TEX11: variants seen among roughly 807,000 people sequenced by gnomAD.
The protein encoded by TEX11 is testis-expressed protein 11.
A neutral mutation model predicts 84.4 loss-of-function variants in TEX11; 7 were observed. The ratio of observed to expected loss-of-function variants is 0.08; its 90% CI spans 0.05 to 0.16. The LOEUF is 0.16. Ranked by LOEUF, TEX11 falls within the 10% of genes least tolerant of loss-of-function variation. The pLI is 1.00. For synonymous variants in TEX11, 264 were observed against 222.8 expected (o/e 1.18, Z -1.64); for missense variants, 551 against 660.5 (o/e 0.83, Z 1.82).
chrX:70,602,756 C>G (rs1398489988), intron 24 of TEX11, among the ~76,000 whole-genome samples: 1 of 102,857 alleles, frequency 9.7e-6, no homozygotes, highest in Non-Finnish European at 2.0e-5. Flanking sequence ...AAGAGGAAGT[C>G]AAATTGTCCC....
chrX:70,760,860 T>A (rs1360286255), intron 9 of TEX11, among the ~76,000 whole-genome samples: 1 of 111,645 alleles, frequency 9.0e-6, no homozygotes, highest in East Asian at 2.8e-4. Flanking sequence ...AATCTACCCA[T>A]CTGACAAAGG....
chrX:70,533,311 G>GATAAA (rs2087912909), intron 28 of TEX11, among the ~76,000 whole-genome samples: 1 of 109,667 alleles, frequency 9.1e-6, no homozygotes. Flanking sequence ...TGGGGATAAG[G>GATAAA]GACAACAATA....
intron 4 of TEX11, among the ~76,000 whole-genome samples, chrX:70,865,791 C>T (rs1338181666): frequency 8.9e-6 from 1 of 111,931 alleles, no homozygotes; most frequent in Non-Finnish European, 1.9e-5. Context: ...TGAATGACTA[C>T]TGGGTAAATA....
At chrX:70,794,914 C>T (rs890033664) in intron 9 of TEX11, among the ~76,000 whole-genome samples, 23 of 107,237 alleles carry the variant, frequency 2.1e-4, no homozygotes, top group African/African-American at 7.8e-4. Flanking sequence ...GCTATGGTGG[C>T]TATGGGGAGA....
At chrX:70,720,068 C>T (rs2090543850) in intron 13 of TEX11, among the ~76,000 whole-genome samples, 2 of 111,928 alleles carry the variant, frequency 1.8e-5, no homozygotes, top group Admixed American at 1.9e-4. Context: ...GACACATGCA[C>T]ACGTATGTTC....
chrX:70,527,669 T>C (rs772349844), downstream of TEX11, among the ~76,000 whole-genome samples: 3 of 111,962 alleles, frequency 2.7e-5, no homozygotes, highest in Non-Finnish European at 5.6e-5. Flanking sequence ...TAGAATTGAA[T>C]CATTGTTAAT....
chrX:70,869,745 C>A (rs762126056), intron 4 of TEX11, among the ~76,000 whole-genome samples: 1 of 110,132 alleles, frequency 9.1e-6, no homozygotes, highest in Admixed American at 9.8e-5. Context: ...CCACTGCACT[C>A]CAACCTGGGT....
intron 9 of TEX11, among the ~76,000 whole-genome samples, chrX:70,747,155 C>T (rs774118127): frequency 1.8e-5 from 2 of 111,755 alleles, no homozygotes; most frequent in Non-Finnish European, 3.8e-5. Flanking sequence ...TATTAGTCCC[C>T]GACTGAATTA....
chrX:70,547,985 C>T (rs1047674929), intron 28 of TEX11, among the ~76,000 whole-genome samples: 50 of 111,772 alleles, frequency 4.5e-4, no homozygotes, highest in Non-Finnish European at 8.3e-4. Flanking sequence ...TTTATTGCAG[C>T]GCTGTTCACA....
chrX:70,535,925 C>T (rs941406703), intron 28 of TEX11, among the ~76,000 whole-genome samples: 5 of 110,533 alleles, frequency 4.5e-5, no homozygotes, highest in Non-Finnish European at 7.6e-5. Context: ...TTTGTGGTAT[C>T]TTGTGCTATT....
chrX:70,624,095 C>T, intron 19 of TEX11, 89 bp from the exon 20 acceptor site: 1 of 644,283 alleles, frequency 1.6e-6, no homozygotes, highest in Non-Finnish European at 2.3e-6. Context: ...ACCTTGATTA[C>T]TCTGGGAGGG....
rs190803470 is a variant in TEX11 at position 70,740,896 on chromosome X, A to G, written c.748-100T>C. On this transcript the variant is annotated intron_variant, in intron 10 of 29. Coordinates refer to ENST00000374333, the MANE Select transcript of TEX11 (RefSeq NM_031276.3). Reference sequence around the variant, plus strand: ...CACAGTGACAGGCATCTTCTCAAACATAAGTCATCTTTATGAAATAGCATT... The same window carrying G: ...CACAGTGACAGGCATCTTCTCAAACGTAAGTCATCTTTATGAAATAGCATT... The G allele has an allele frequency of 2.1e-5, 10 of 474,986 alleles. No homozygotes were observed. The East Asian group carries it at 3.5e-4, about 16-fold the overall frequency. The allele number at this position is 474,986 out of a possible 1,213,427, so 39.1% of individuals were successfully genotyped here.
intron 2 of TEX11, among the ~76,000 whole-genome samples, chrX:70,884,099 AGTCTCGAAGCTT>A (rs1395778026): frequency 1.8e-5 from 2 of 112,690 alleles, no homozygotes; most frequent in Non-Finnish European, 3.7e-5. Flanking sequence ...ATTGCTTTCC[AGTCTCGAAGCTT>A]TTTCATATGC....
At chrX:70,867,183 T>C (rs1380837498) in intron 4 of TEX11, among the ~76,000 whole-genome samples, 1 of 111,809 alleles carries the variant, frequency 8.9e-6, no homozygotes. Context: ...AGTCTCAGGA[T>C]ACAAAATCAA....
chrX:70,805,947 G>T (rs1279586466), intron 9 of TEX11, among the ~76,000 whole-genome samples: 1 of 111,508 alleles, frequency 9.0e-6, no homozygotes, highest in East Asian at 2.8e-4. Context: ...TCAGCATACA[G>T]CGTTAAATAT....
At position 70,795,767 on chromosome X, in the gene TEX11, C is replaced by T. The variant is rs758673065; in HGVS notation, c.692+10938G>A. On this transcript the variant is annotated intron_variant, in intron 9 of 29. Coordinates refer to ENST00000374333, the MANE Select transcript of TEX11 (RefSeq NM_031276.3). ...GAGACCTCTAAAAGTCTGCAAGACT[C>T]ACAGTGTTACTGGGCTTGGGGTGCC... is the stretch of plus-strand genomic sequence containing the variant. Among the ~76,000 whole-genome samples the T allele has an allele frequency of 3.5e-4, 39 of 111,784 alleles. 1 individual carries two copies. The highest frequency in any genetic ancestry group is 1.5e-4 in the Non-Finnish European group (8 of 53,183).
intron 9 of TEX11, among the ~76,000 whole-genome samples, chrX:70,806,299 A>G (rs768084510): frequency 3.6e-5 from 4 of 111,271 alleles, no homozygotes; most frequent in Non-Finnish European, 3.8e-5. Context: ...TACCAAAGAT[A>G]TTAAAAATTA....
chrX:70,719,758 T>C (rs1337002875), intron 13 of TEX11, among the ~76,000 whole-genome samples: 1 of 111,454 alleles, frequency 9.0e-6, no homozygotes, highest in African/African-American at 3.3e-5. Flanking sequence ...AGCCAAAAGA[T>C]ACGTGAAAAA....
intron 24 of TEX11, among the ~76,000 whole-genome samples, chrX:70,604,960 G>A (rs1006993572): frequency 9.0e-6 from 1 of 111,203 alleles, no homozygotes; most frequent in African/African-American, 3.3e-5. Context: ...AGATATTTAA[G>A]GATGTGGGAA....
Sources: gnomAD v4.1 joint callset for allele counts (sites outside exome capture counted in the v4.1 genomes callset) on GRCh38, gnomAD v4.1.1 for gene constraint, MANE v1.5 for transcripts, NCBI Gene and HGNC (gene_info 2026-07-23, HGNC 2026-07-21) for gene names.